The following MGAM variants were observed in gnomAD, a reference collection of about 807,000 sequenced individuals.
The protein encoded by MGAM is alpha-1,4-glucosidase.
MGAM carries 253 observed loss-of-function variants against 358.8 expected under a neutral mutation model. The ratio of observed to expected loss-of-function variants is 0.71; its 90% CI spans 0.64 to 0.78. The LOEUF is 0.78. MGAM is among the 30% of genes least tolerant of loss of function. The probability of loss-of-function intolerance (pLI) is 0.00; values close to 1 mark genes in which losing one functional copy is unlikely to be tolerated. For synonymous variants in MGAM, 1,105 were observed against 1,227.1 expected, an observed-to-expected ratio of 0.90 and a Z score of 2.08; for missense variants, 3,080 against 3,432.6, an observed-to-expected ratio of 0.90 and a Z score of 2.57.
rs1473020532 is a variant in MGAM, at chr7:142,100,998, A to C, written c.7963+108A>C. On this transcript the variant is annotated intron_variant, in intron 68 of 70. Transcript: ENST00000475668. ...CCTATTATAACAATTTTGCATTTTA[A>C]AATATAATCATTTGTTAATTCAAGG... The C allele has an allele frequency of 1.5e-5, 14 of 960,224 alleles. No homozygotes were observed. In the Admixed American group the frequency reaches 4.0e-4, roughly 27 times the overall value. The allele number at this position is 960,224 out of a possible 1,614,324, so 59.5% of individuals were successfully genotyped here. A position where few individuals can be genotyped will look rare whatever the true frequency, so the allele number is the denominator to read the frequency against.
In MGAM at chr7:142,056,846, C is replaced by T. The variant is rs1416566203; in HGVS notation, c.3597C>T (p.Pro1199=). Reference sequence around the variant, plus strand: ...TATTTTCAGATGTGACGTTCCAGCCCCTGCCTGCCTTGACATACCGCACCA... The same window carrying T: ...TATTTTCAGATGTGACGTTCCAGCCTCTGCCTGCCTTGACATACCGCACCA... ...NSNAMDVTFQ[P]LPALTYRTTG... The change falls in exon 30 of 71, where the codon CCC becomes CCT. Residue 1199 remains proline, a synonymous_variant. Coordinates refer to ENST00000475668, the MANE Select transcript of MGAM (RefSeq NM_001365693.1). 1.9e-6 allele frequency: 3 copies of T among 1,613,776 alleles called. No homozygotes were observed. Among genetic ancestry groups the T allele is most frequent in the Non-Finnish European group, 8.5e-7 (1 of 1,179,794 alleles).
intron 44 of MGAM, among the ~76,000 whole-genome samples, chr7:142,072,145 C>T (rs1427412481): frequency 6.9e-6 from 1 of 145,926 alleles, no homozygotes; most frequent in East Asian, 2.0e-4. Context: ...CTGGTTGCTC[C>T]CAGGCTTGAA....
intron 10 of MGAM, among the ~76,000 whole-genome samples, chr7:142,029,364 GA>G (rs11387547): frequency 6.6e-6 from 1 of 151,250 alleles, no homozygotes; most frequent in East Asian, 2.0e-4. Flanking sequence ...AGTCTTGAGG[GA>G]AAAAAAAGGA....
At position 142,058,333 on chromosome 7, in the gene MGAM, G is replaced by A. The variant is rs369413275; in HGVS notation, c.3819+5G>A. ...GTGGCTGCCCAGATCCCTTATGTAC[G>A]TTCTCAGTCATGGCTCTGGAGTTTC... On this transcript the variant is annotated splice_donor_5th_base_variant and intron_variant, in intron 31 of 70. Transcript: ENST00000475668. 13 of 1,613,642 alleles carry A rather than the reference G, an allele frequency of 8.1e-6. No homozygotes were observed. Among genetic ancestry groups the A allele is most frequent in the African/African-American group, 5.3e-5 (4 of 74,912 alleles).
chr7:142,034,516 C>A, intron 15 of MGAM, 137 bp downstream of exon 15: 1 of 960,514 alleles, frequency 1.0e-6, no homozygotes, highest in Non-Finnish European at 1.5e-6. Flanking sequence ...TTTAATGATA[C>A]AGAATGCTCC....
chr7:142,044,532 G>GTGTA (rs1809739812), intron 21 of MGAM, among the ~76,000 whole-genome samples: 1 of 127,912 alleles, frequency 7.8e-6, no homozygotes, highest in African/African-American at 2.9e-5. Flanking sequence ...ATACACTTAC[G>GTGTA]ATATATGATA....
In MGAM at chr7:142,011,894, G is replaced by T. The variant is rs896829576; in HGVS notation, c.327+3189G>T. Reference sequence around the variant, plus strand: ...AGACTTCACTTTGAGGTTAAATGAAGTGGCCAGCCTAACAAGCTAAATTTC... The same window carrying T: ...AGACTTCACTTTGAGGTTAAATGAATTGGCCAGCCTAACAAGCTAAATTTC... On this transcript the variant is annotated intron_variant, in intron 3 of 70. Transcript: ENST00000475668. Among the ~76,000 whole-genome samples the T allele has an allele frequency of 3.3e-5, 5 of 152,120 alleles. No individual in the cohort carries two copies. In the East Asian group the frequency reaches 9.6e-4, roughly 29 times the overall value.
chr7:142,067,200 T>C, intron 41 of MGAM, 141 bp from the exon 42 acceptor site: 1 of 770,414 alleles, frequency 1.3e-6, no homozygotes, highest in Non-Finnish European at 2.2e-6. Context: ...GTGCTCCTGA[T>C]GAAGCTAGGC....
chr7:141,991,118 A>C (rs1803926609), upstream of MGAM, among the ~76,000 whole-genome samples: 1 of 152,154 alleles, frequency 6.6e-6, no homozygotes, highest in African/African-American at 2.4e-5. Flanking sequence ...CAGGTTTCTC[A>C]TCTGTAAAAC....
chr7:142,088,270 C>A (rs1450758439), intron 57 of MGAM, among the ~76,000 whole-genome samples: 1 of 146,150 alleles, frequency 6.8e-6, no homozygotes, highest in Non-Finnish European at 1.5e-5. Flanking sequence ...GACTGCATGT[C>A]TTTATTTACT....
intron 47 of MGAM, 72 bp from the exon 48 acceptor site, chr7:142,078,246 A>G: frequency 8.6e-7 from 1 of 1,157,894 alleles, no homozygotes; most frequent in Non-Finnish European, 1.2e-6. Context: ...ATAAATAAAT[A>G]AATAAAGTCT....
At position 142,047,855 on chromosome 7, in the gene MGAM, G is replaced by A. The variant is rs753403339; in HGVS notation, c.2569G>A (p.Asp857Asn). ...AGAAGCAAAAGGAGAACTTTTCTGG[G>A]ATAATGGGGAAACGAAGGGTGAGCA... The part of the protein sequence containing the change: ...NKEAKGELFW[D>N]NGETKDTVAN... The change falls in exon 22 of 71, where the codon GAT becomes AAT. Residue 857 changes from aspartate to asparagine, a missense_variant. By Grantham distance (23) the Asp-to-Asn change is conservative (BLOSUM62 1). Transcript: ENST00000475668. The A allele has an allele frequency of 5.0e-6, 8 of 1,609,828 alleles. No individual in the cohort carries two copies. In the South Asian group the frequency reaches 7.7e-5, roughly 15 times the overall value.
Position 142,032,812 on chromosome 7 carries a change from C to A in MGAM, c.1585-13C>A. On this transcript the variant is annotated splice_polypyrimidine_tract_variant and intron_variant, in intron 13 of 70. Transcript: ENST00000475668. The stretch of plus-strand genomic sequence containing the variant: ...TTACTTTTTCTTAATAGTTTTTGCT[C>A]TTTGTCTTGTAGGATATGAATGAAG... 1 of 1,584,122 alleles carries A rather than the reference C, an allele frequency of 6.3e-7. No homozygotes were observed. Among genetic ancestry groups the A allele is most frequent in the Non-Finnish European group, 8.6e-7 (1 of 1,159,446 alleles).
rs749896836 is a variant in MGAM, at chr7:142,096,432, C to A, written c.7692+17C>A. 4.7e-5 allele frequency: 76 copies of A among 1,613,340 alleles called. No homozygotes were observed. Among genetic ancestry groups the A allele is most frequent in the Non-Finnish European group, 6.2e-5 (73 of 1,179,412 alleles). On this transcript the variant is annotated intron_variant, in intron 65 of 70. Coordinates refer to ENST00000475668, the MANE Select transcript of MGAM (RefSeq NM_001365693.1). ...CTGGAGCGTGTGAGTATGGAGGCCT[C>A]CGATGAGGGGAGGATCCCAGCTGTG...
rs782617950 is a variant in MGAM, at chr7:142,020,963, TC to T, written c.449-9del. On this transcript the variant is annotated splice_polypyrimidine_tract_variant and intron_variant, in intron 4 of 70. Transcript: ENST00000475668. ...GTCAACTATGAAAACCTTTTTTTTCTCCTATGTTAGGATTCACAGCCCGGTT... is the reference window on the plus strand; with the variant it reads ...GTCAACTATGAAAACCTTTTTTTTCTCTATGTTAGGATTCACAGCCCGGTT... 6.3e-7 allele frequency: 1 copy of T among 1,585,004 alleles called. No individual in the cohort carries two copies. The highest frequency in any genetic ancestry group is 2.2e-5 in the East Asian group (1 of 44,628).
In MGAM at chr7:142,067,968, ATATATATATATATATATATTTTTTTT is replaced by A. The variant is rs1563191332; in HGVS notation, c.5004+545_5004+570del. 3.9e-4 allele frequency among the ~76,000 whole-genome samples: 2 copies of A among 5,074 alleles called. 1 individual carries two copies. Among genetic ancestry groups the A allele is most frequent in the Non-Finnish European group, 1.6e-3 (2 of 1,270 alleles). 3.3% of individuals were successfully genotyped at this position (5,074 alleles called of 152,430 possible). On this transcript the variant is annotated intron_variant, in intron 42 of 70. Coordinates refer to ENST00000475668, the MANE Select transcript of MGAM (RefSeq NM_001365693.1). Reference sequence around the variant, plus strand: ...TATATATATATATATATATATAAATATATATATATATATATATATTTTTTTTTTTTTTTTTTTGAGACAGAGTCTCA... The same window carrying A: ...TATATATATATATATATATATAAATATTTTTTTTTTTGAGACAGAGTCTCA...
In MGAM at chr7:142,040,783, G is replaced by T; in HGVS notation, c.2435G>T (p.Gly812Val). 6.2e-7 allele frequency: 1 copy of T among 1,613,242 alleles called. No individual in the cohort carries two copies. The highest frequency in any genetic ancestry group is 8.5e-7 in the Non-Finnish European group (1 of 1,179,506). The change falls in exon 21 of 71, where the codon GGA becomes GTA. Residue 812 changes from glycine to valine, a missense_variant. This residue lies in a region of MGAM where 1,816 missense variants were observed against 1,840.5 expected (regional missense o/e 0.99). Transcript: ENST00000475668. Reference protein sequence around the residue: ...VEMELPGDKIGLHLRGGYIFP... With the variant: ...VEMELPGDKIVLHLRGGYIFP... ...ATGGAACTTCCTGGAGACAAAATTG[G>T]ACTTCACCTTCGAGGAGGCTACATC...
In MGAM at chr7:142,058,218, G is replaced by A. The variant is rs773834182; in HGVS notation, c.3709G>A (p.Val1237Met). ...TATTTTCTAGTTGATTGGCCGGCCT[G>A]TGATGGTACCTTACTGGTCTTTGGG... ...QQYTELIGRP[V>M]MVPYWSLGFQ... Residue 1237 changes from valine to methionine, a missense_variant, in exon 31 of 71, where the codon GTG becomes ATG. Coordinates refer to ENST00000475668, the MANE Select transcript of MGAM (RefSeq NM_001365693.1). 4 of 1,613,932 alleles carry A rather than the reference G, an allele frequency of 2.5e-6. No homozygotes were observed. The highest frequency in any genetic ancestry group is 2.5e-6 in the Non-Finnish European group (3 of 1,179,832).
chr7:142,094,292 T>C (rs1815673309), intron 60 of MGAM, 72 bp from the exon 61 acceptor site: 2 of 1,460,228 alleles, frequency 1.4e-6, no homozygotes, highest in African/African-American at 1.4e-5. Flanking sequence ...TCAAGGGCTC[T>C]GGGAGCAGAT....
Sources: allele counts gnomAD v4.1 joint callset (sites outside exome capture counted in the v4.1 genomes callset), GRCh38; gene constraint gnomAD v4.1.1; regional missense constraint gnomAD v4.1.1; transcripts MANE v1.5; gene names NCBI Gene and HGNC (gene_info 2026-07-23, HGNC 2026-07-21).